Variants in BMAL1 observed in about 807,000 individuals in gnomAD.
BMAL1 encodes basic helix-loop-helix ARNT like 1.
the BMAL1 span, chr11:13,376,817 C>T: frequency 1.6e-6 from 2 of 1,260,312 alleles, no homozygotes; most frequent in South Asian, 2.8e-5. Flanking sequence ...AGGGTCCCCT[C>T]CATTCATATT....
chr11:13,354,567 A>C, the BMAL1 span: 2 of 1,380,034 alleles, frequency 1.4e-6, no homozygotes, highest in Non-Finnish European at 1.9e-6. Context: ...AAAAAACCCA[A>C]CTCTAGGTGG....
At chr11:13,297,660 T>C in the BMAL1 span, among the ~76,000 whole-genome samples, 4,234 of 152,272 alleles carry the variant, frequency 0.028, 78 homozygotes, top group Non-Finnish European at 0.046. Flanking sequence ...GCCTGCCCTT[T>C]CCCAAGTGTG....
chr11:13,354,811 G>T, the BMAL1 span, among the ~76,000 whole-genome samples: 1 of 152,246 alleles, frequency 6.6e-6, no homozygotes, highest in African/African-American at 2.4e-5. Context: ...TTCAAAGAGA[G>T]CTTTGCCTGA....
the BMAL1 span, among the ~76,000 whole-genome samples, chr11:13,319,175 G>A: frequency 6.6e-6 from 1 of 152,312 alleles, no homozygotes; most frequent in Non-Finnish European, 1.5e-5. Flanking sequence ...CATATGTACA[G>A]ATAAATGTAC....
the BMAL1 span, among the ~76,000 whole-genome samples, chr11:13,331,287 G>A: frequency 2.0e-5 from 3 of 152,336 alleles, no homozygotes; most frequent in South Asian, 6.2e-4. Flanking sequence ...TATTTGGATA[G>A]CAAAGCAAAG....
chr11:13,345,999 G>C, the BMAL1 span, among the ~76,000 whole-genome samples: 35 of 152,284 alleles, frequency 2.3e-4, 1 homozygote, highest in African/African-American at 7.9e-4. Context: ...GAATGGGAAG[G>C]TCCCAGGCAA....
the BMAL1 span, chr11:13,376,761 C>T: frequency 1.3e-6 from 2 of 1,598,806 alleles, no homozygotes; most frequent in African/African-American, 2.7e-5. Context: ...CTGGGGCTTG[C>T]CCGTGGGAAG....
the BMAL1 span, among the ~76,000 whole-genome samples, chr11:13,309,706 T>C: frequency 6.6e-6 from 1 of 152,134 alleles, no homozygotes; most frequent in Non-Finnish European, 1.5e-5. Flanking sequence ...GCCTACAGTC[T>C]AGAGAAACCC....
At chr11:13,381,247 G>T in the BMAL1 span, 4 of 1,613,996 alleles carry the variant, frequency 2.5e-6, no homozygotes, top group Non-Finnish European at 3.4e-6. Flanking sequence ...TCTCCAGGAG[G>T]CAAGAAGGTA....
At chr11:13,387,073 T>C in the BMAL1 span, 1 of 214,286 alleles carries the variant, frequency 4.7e-6, no homozygotes, top group Non-Finnish European at 9.2e-6. Context: ...GTAGCTTTTA[T>C]ATGCAAATGG....
chr11:13,291,592 G>C, the BMAL1 span, among the ~76,000 whole-genome samples: 5 of 152,186 alleles, frequency 3.3e-5, no homozygotes, highest in African/African-American at 9.7e-5. Context: ...CAGCGGCAGA[G>C]GCAGCACTTA....
the BMAL1 span, among the ~76,000 whole-genome samples, chr11:13,335,979 T>C: frequency 6.6e-6 from 1 of 151,642 alleles, no homozygotes; most frequent in South Asian, 2.1e-4. Flanking sequence ...TATTGCATTT[T>C]TGACAATATG....
the BMAL1 span, among the ~76,000 whole-genome samples, chr11:13,292,260 A>G: frequency 6.6e-6 from 1 of 152,106 alleles, no homozygotes; most frequent in Non-Finnish European, 1.5e-5. Flanking sequence ...AAAGTATTTA[A>G]TTGGCCATCA....
At chr11:13,337,573 G>A in the BMAL1 span, among the ~76,000 whole-genome samples, 1 of 152,170 alleles carries the variant, frequency 6.6e-6, no homozygotes, top group Non-Finnish European at 1.5e-5. Flanking sequence ...ACAGTGTACT[G>A]ACCTGCCCAT....
chr11:13,333,686 C>T, the BMAL1 span, among the ~76,000 whole-genome samples: 1 of 152,232 alleles, frequency 6.6e-6, no homozygotes, highest in African/African-American at 2.4e-5. Context: ...TAGCCCCAGT[C>T]GGACATCTCC....
chr11:13,379,842 G>A, the BMAL1 span: 1 of 152,224 alleles, frequency 6.6e-6, no homozygotes, highest in African/African-American at 2.4e-5. Flanking sequence ...GCTATGATAG[G>A]CGATTAAGAA....
chr11:13,323,468 CT>C, the BMAL1 span, among the ~76,000 whole-genome samples: 1 of 108,818 alleles, frequency 9.2e-6, no homozygotes. Context: ...AGCCTTGCTC[CT>C]CCTCAGTCTT....
chr11:13,285,737 G>A, the BMAL1 span, among the ~76,000 whole-genome samples: 2 of 152,096 alleles, frequency 1.3e-5, no homozygotes, highest in Non-Finnish European at 2.9e-5. Flanking sequence ...CCCAGTGTTA[G>A]GAAGGCCTTG....
At chr11:13,300,444 G>T in the BMAL1 span, among the ~76,000 whole-genome samples, 2 of 152,184 alleles carry the variant, frequency 1.3e-5, no homozygotes, top group Non-Finnish European at 2.9e-5. Flanking sequence ...CTATGTTGGG[G>T]TTTTCATGAA....
Sources: allele counts gnomAD v4.1 joint callset (sites outside exome capture counted in the v4.1 genomes callset), GRCh38; gene constraint gnomAD v4.1.1; transcripts MANE v1.5; gene names NCBI Gene and HGNC (gene_info 2026-07-23, HGNC 2026-07-21).